PROKR2: variants seen among roughly 807,000 people sequenced by gnomAD.
The protein encoded by PROKR2 is G protein-coupled receptor 73-like 1.
A neutral mutation model predicts 23.4 loss-of-function variants in PROKR2; 26 were observed. The observed-to-expected ratio is 1.11, with a 90% CI of 0.81 to 1.54. The LOEUF is 1.54. PROKR2 is among the 40% of genes most tolerant of loss of function. PROKR2 has a pLI of 0.00. For synonymous variants in PROKR2, 212 were observed against 201.2 expected (o/e 1.05, Z -0.45); for missense variants, 453 against 511.5 (o/e 0.89, Z 1.10).
At chr20:5,314,458 C>A (rs1246335790) in intron 1 of PROKR2, 81 bp from the exon 2 acceptor site, 4 of 1,142,070 alleles carry the variant, frequency 3.5e-6, no homozygotes, top group South Asian at 1.3e-5. Flanking sequence ...GAGCCTAGCA[C>A]CCTGCCCACA....
At position 5,301,929 on chromosome 20, in the gene PROKR2, G is replaced by A. The variant is rs1218308067; in HGVS notation, c.*111C>T. 3.5e-5 allele frequency: 34 copies of A among 975,374 alleles called. No individual in the cohort carries two copies. The highest frequency in any genetic ancestry group is 7.8e-5 in the South Asian group (5 of 63,784). 60.4% of individuals were successfully genotyped at this position (975,374 alleles called of 1,614,324 possible). On this transcript the variant is annotated 3_prime_UTR_variant, in exon 3 of 3. Coordinates refer to ENST00000678254, the MANE Select transcript of PROKR2 (RefSeq NM_144773.4). ...GCAGCATTCAGCTTCTTGAGGGCAC[G>A]GGGGAGGCATGAACACAGATGTCAT...
intron 2 of PROKR2, among the ~76,000 whole-genome samples, chr20:5,313,604 G>A (rs1979522786): frequency 6.6e-6 from 1 of 152,238 alleles, no homozygotes. Context: ...CTCTCATGTG[G>A]CTTCTAGGTA....
Position 5,313,989 on chromosome 20 carries a change from G to C in PROKR2, c.381C>G (p.Leu127=), listed in dbSNP as rs189546592. The change falls in exon 2 of 3, where the codon CTC becomes CTG. Residue 127 remains leucine (L), a synonymous_variant. Transcript: ENST00000678254. ...RQLSWEHGHV[L]CASVNYLRTV... ...TGCGCAGGTAGTTGACGGAGGCACA[G>C]AGCACGTGGCCATGCTCCCAGGAGA... is the stretch of plus-strand genomic sequence containing the variant. The C allele has an allele frequency of 6.5e-5, 105 of 1,614,240 alleles. No individual in the cohort carries two copies. Among genetic ancestry groups the C allele is most frequent in the East Asian group, 4.5e-4 (20 of 44,886 alleles).
Position 5,314,420 on chromosome 20 carries a change from C to A in PROKR2, c.-8-43G>T, listed in dbSNP as rs759015021. On this transcript the variant is annotated intron_variant, in intron 1 of 2. Transcript: ENST00000678254. ...TGAGGGAGGTGCGAGGGGTGAGGGT[C>A]CAGACCTTCTGCTCTTTCAGGGTCA... is the stretch of plus-strand genomic sequence containing the variant. 4 of 1,481,412 alleles carry A rather than the reference C, an allele frequency of 2.7e-6. No individual in the cohort carries two copies. The South Asian group carries it at 3.4e-5, about 13-fold the overall frequency. 91.8% of individuals were successfully genotyped at this position (1,481,412 alleles called of 1,614,324 possible).
chr20:5,305,557 T>C (rs1979187068), intron 2 of PROKR2, among the ~76,000 whole-genome samples: 1 of 152,130 alleles, frequency 6.6e-6, no homozygotes, highest in Non-Finnish European at 1.5e-5. Context: ...TTGTGCCGTA[T>C]GTGGAAATGG....
rs562539253 is a variant in PROKR2, at chr20:5,300,637, G to A, written c.*1403C>T. ...TTTTCATCATCGCCATTTCATTAAA[G>A]CAAAACTGAGACACAGAGAGAAAAC... On this transcript the variant is annotated 3_prime_UTR_variant, in exon 3 of 3. Coordinates refer to ENST00000678254, the MANE Select transcript of PROKR2 (RefSeq NM_144773.4). Among the ~76,000 whole-genome samples the A allele has an allele frequency of 6.6e-6, 1 of 152,310 alleles. No homozygotes were observed. The highest frequency in any genetic ancestry group is 6.5e-5 in the Admixed American group (1 of 15,296).
intron 2 of PROKR2, among the ~76,000 whole-genome samples, chr20:5,308,911 G>T (rs1441276581): frequency 6.6e-6 from 1 of 152,130 alleles, no homozygotes; most frequent in Non-Finnish European, 1.5e-5. Flanking sequence ...TCATTGAATT[G>T]CATTAGAGGA....
intron 2 of PROKR2, among the ~76,000 whole-genome samples, chr20:5,309,521 TA>T (rs914511722): frequency 3.9e-5 from 6 of 152,216 alleles, no homozygotes; most frequent in African/African-American, 1.4e-4. Flanking sequence ...CTTTCACAGT[TA>T]AAGATCTTTG....
At chr20:5,309,244 C>T (rs1459121041) in intron 2 of PROKR2, among the ~76,000 whole-genome samples, 4 of 152,142 alleles carry the variant, frequency 2.6e-5, no homozygotes, top group Admixed American at 1.3e-4. Context: ...AACAAATTAC[C>T]GCAAACATAG....
chr20:5,301,622 T>A lies in PROKR2; in HGVS notation c.*418A>T, dbSNP rs780488975. 2.0e-5 allele frequency among the ~76,000 whole-genome samples: 3 copies of A among 152,238 alleles called. No individual in the cohort carries two copies. Among genetic ancestry groups the A allele is most frequent in the Non-Finnish European group, 4.4e-5 (3 of 68,034 alleles). On this transcript the variant is annotated 3_prime_UTR_variant, in exon 3 of 3. Coordinates refer to ENST00000678254, the MANE Select transcript of PROKR2 (RefSeq NM_144773.4). ...ATATATCTGGAGATAGCTTGGAAAC[T>A]CCAATAGCTTCTGCTACTTTGTTAT...
chr20:5,306,692 G>T (rs1002037363), intron 2 of PROKR2, among the ~76,000 whole-genome samples: 5 of 152,108 alleles, frequency 3.3e-5, no homozygotes, highest in Non-Finnish European at 7.3e-5. Flanking sequence ...TTCATACATG[G>T]TTCATTCCAC....
At chr20:5,313,877 C>G in intron 2 of PROKR2, 35 bp downstream of exon 2, 15 of 1,570,554 alleles carry the variant, frequency 9.6e-6, no homozygotes, top group Non-Finnish European at 1.2e-5. Flanking sequence ...ACAGCCTGGC[C>G]CAGCCCCACC....
At chr20:5,304,828 A>G (rs924451256) in intron 2 of PROKR2, among the ~76,000 whole-genome samples, 1 of 152,214 alleles carries the variant, frequency 6.6e-6, no homozygotes, top group Non-Finnish European at 1.5e-5. Context: ...CGACAATGCT[A>G]ATCCCGATTG....
chr20:5,308,197 C>A (rs1979296606), intron 2 of PROKR2, among the ~76,000 whole-genome samples: 1 of 108,276 alleles, frequency 9.2e-6, no homozygotes. Context: ...AACAGGCCCC[C>A]CCCCCTCAAA....
rs1373662309 is a variant in PROKR2 at position 5,314,265 on chromosome 20, GAGGTC to G, written c.100_104del (p.Asp34ProfsTer4). 1 of 1,614,224 alleles carries G rather than the reference GAGGTC, an allele frequency of 6.2e-7. No individual in the cohort carries two copies. The highest frequency in any genetic ancestry group is 1.7e-5 in the Admixed American group (1 of 60,034). ...TCATGTCCTCATCCTCATCCATAGG[GAGGTC>G]ATAATCACCATAACTGAAGTTAAAG... is the stretch of plus-strand genomic sequence containing the variant. On this transcript the variant is annotated frameshift_variant, in exon 2 of 3. Transcript: ENST00000678254. LOFTEE classifies it high-confidence loss of function.
At chr20:5,311,439 G>A (rs1369500716) in intron 2 of PROKR2, among the ~76,000 whole-genome samples, 2 of 152,152 alleles carry the variant, frequency 1.3e-5, no homozygotes, top group Non-Finnish European at 2.9e-5. Flanking sequence ...TTGTAACAAG[G>A]TGATTGCTTC....
At chr20:5,313,152 C>A (rs936272353) in intron 2 of PROKR2, among the ~76,000 whole-genome samples, 4 of 144,832 alleles carry the variant, frequency 2.8e-5, no homozygotes, top group African/African-American at 7.7e-5. Context: ...TATTATGTGT[C>A]AATTAAAAAT....
At position 5,302,496 on chromosome 20, in the gene PROKR2, C is replaced by T. The variant is rs778828714; in HGVS notation, c.699G>A (p.Val233=). ...YFLFIFGVEF[V]GPVVTMTLCY... is the part of the protein sequence containing the mutation. Reference sequence around the variant, plus strand: ...ACAGGGTCATGGTGACCACAGGGCCCACGAACTCGACACCAAAGATGAAGA... The same window carrying T: ...ACAGGGTCATGGTGACCACAGGGCCTACGAACTCGACACCAAAGATGAAGA... The change falls in exon 3 of 3, where the codon GTG becomes GTA. Residue 233 remains valine (V), a synonymous_variant. Coordinates refer to ENST00000678254, the MANE Select transcript of PROKR2 (RefSeq NM_144773.4). 2 of 1,614,186 alleles carry T rather than the reference C, an allele frequency of 1.2e-6. No homozygotes were observed. The highest frequency in any genetic ancestry group is 8.5e-7 in the Non-Finnish European group (1 of 1,180,028).
chr20:5,305,276 A>G (rs1979176110), intron 2 of PROKR2, among the ~76,000 whole-genome samples: 2 of 152,210 alleles, frequency 1.3e-5, no homozygotes, highest in South Asian at 4.1e-4. Flanking sequence ...GTCCCCTGAC[A>G]CAGCTGGTAG....
Sources: gnomAD v4.1 joint callset for allele counts (sites outside exome capture counted in the v4.1 genomes callset) on GRCh38, gnomAD v4.1.1 for gene constraint, MANE v1.5 for transcripts, NCBI Gene and HGNC (gene_info 2026-07-23, HGNC 2026-07-21) for gene names.